OCA2: variants seen among roughly 807,000 people sequenced by gnomAD.
The protein encoded by OCA2 is OCA2 melanosomal transmembrane protein.
In OCA2, 77 loss-of-function variants were observed where a neutral mutation model predicts 100.2. The ratio of observed to expected loss-of-function variants is 0.77; its 90% CI spans 0.64 to 0.93. The LOEUF is 0.93. Ranked by LOEUF, OCA2 falls within the 40% of genes least tolerant of loss-of-function variation. OCA2 has a pLI of 0.00. For synonymous variants in OCA2, 432 were observed against 439.2 expected (o/e 0.98, Z 0.21); for missense variants, 1,062 against 1,089.1 (o/e 0.98, Z 0.35).
At chr15:27,722,780 T>TTCTCTCTCTCTC in the OCA2 span, among the ~76,000 whole-genome samples, 1,363 of 134,268 alleles carry the variant, frequency 0.01, 17 homozygotes, top group South Asian at 0.043. Context: ...TTTTCTTTCT[T>TTCTCTCTCTCTC]TCTCTCTCTC....
intron 2 of OCA2, among the ~76,000 whole-genome samples, chr15:28,074,011 C>A (rs1216060126): frequency 6.6e-6 from 1 of 151,656 alleles, no homozygotes; most frequent in Non-Finnish European, 1.5e-5. Flanking sequence ...CAGACACACA[C>A]ACACACACAC....
chr15:27,872,737 T>C (rs189127322), intron 19 of OCA2, among the ~76,000 whole-genome samples: 141 of 151,888 alleles, frequency 9.3e-4, no homozygotes, highest in African/African-American at 3.4e-3. Flanking sequence ...TTGCTCAGGC[T>C]GGAGTGCAGT....
At chr15:28,023,667 C>A (rs1302952966) in intron 5 of OCA2, among the ~76,000 whole-genome samples, 1 of 152,192 alleles carries the variant, frequency 6.6e-6, no homozygotes, top group Non-Finnish European at 1.5e-5. Flanking sequence ...CTACCACCCA[C>A]TGTGGTCTCC....
In OCA2 at chr15:27,755,437, A is replaced by G. The variant is rs1413642291; in HGVS notation, c.2468T>C (p.Val823Ala). ...GFPMMVVSCT[V>A]GMCYLLVAHV... ...AGCCACAAGGAGATAACACATCCCA[A>G]CAGTGCAGGACACAACCATCATTGG... The change falls in exon 24 of 24, where the codon GTT becomes GCT. Residue 823 changes from valine to alanine, a missense_variant. Transcript: ENST00000354638. 6.2e-7 allele frequency: 1 copy of G among 1,614,050 alleles called. No individual in the cohort carries two copies. Among genetic ancestry groups the G allele is most frequent in the Non-Finnish European group, 8.5e-7 (1 of 1,179,894 alleles).
intron 7 of OCA2, 150 bp from the exon 8 acceptor site, chr15:28,016,336 T>C (rs1459901765): frequency 1.4e-6 from 1 of 717,666 alleles, no homozygotes; most frequent in Non-Finnish European, 2.5e-6. Flanking sequence ...CTCACATCTC[T>C]GATGTTAGGA....
At chr15:27,891,946 A>C (rs774512181) in intron 19 of OCA2, among the ~76,000 whole-genome samples, 3 of 152,210 alleles carry the variant, frequency 2.0e-5, no homozygotes, top group Non-Finnish European at 4.4e-5. Flanking sequence ...GTAGACTTCA[A>C]AATAAAGAAA....
chr15:27,950,460 C>T (rs763784474), intron 18 of OCA2: 3 of 471,680 alleles, frequency 6.4e-6, no homozygotes, highest in South Asian at 1.6e-5. Context: ...TTCACAAAAT[C>T]GTTACCACTC....
chr15:27,747,429 C>T, the OCA2 span, among the ~76,000 whole-genome samples: 1 of 152,316 alleles, frequency 6.6e-6, no homozygotes, highest in Non-Finnish European at 1.5e-5. Context: ...CAGTTCTGGG[C>T]ATGTTCAGCC....
chr15:27,741,140 A>G, the OCA2 span, among the ~76,000 whole-genome samples: 3 of 152,156 alleles, frequency 2.0e-5, no homozygotes, highest in African/African-American at 7.2e-5. Flanking sequence ...ACCAAGACAA[A>G]ATGTCTCTGT....
At chr15:27,746,598 G>A in the OCA2 span, among the ~76,000 whole-genome samples, 1 of 152,192 alleles carries the variant, frequency 6.6e-6, no homozygotes, top group African/African-American at 2.4e-5. Flanking sequence ...CTAGCTGTGA[G>A]TCAACTCCTC....
At chr15:27,747,881 C>T in the OCA2 span, among the ~76,000 whole-genome samples, 1 of 152,142 alleles carries the variant, frequency 6.6e-6, no homozygotes, top group Non-Finnish European at 1.5e-5. Flanking sequence ...TACAATTATG[C>T]ATCTTGGTAA....
chr15:27,769,639 T>C (rs1223402535), intron 23 of OCA2, among the ~76,000 whole-genome samples: 1 of 149,198 alleles, frequency 6.7e-6, no homozygotes, highest in Non-Finnish European at 1.5e-5. Context: ...CTAAAACCTA[T>C]TGAAATAAAA....
At chr15:27,790,145 A>C (rs2033012551) in intron 23 of OCA2, among the ~76,000 whole-genome samples, 1 of 151,310 alleles carries the variant, frequency 6.6e-6, no homozygotes, top group South Asian at 2.1e-4. Context: ...TTCACCAAAG[A>C]ACATAAATAC....
At chr15:27,851,515 G>A (rs767430910) in intron 21 of OCA2, 40 bp from the exon 22 acceptor site, 26 of 1,496,760 alleles carry the variant, frequency 1.7e-5, no homozygotes, top group Middle Eastern at 1.7e-4. Context: ...TCCCATGGAC[G>A]CTCAGAGAAG....
intron 2 of OCA2, among the ~76,000 whole-genome samples, chr15:28,073,756 G>A (rs980609282): frequency 2.0e-4 from 30 of 152,132 alleles, no homozygotes; most frequent in Non-Finnish European, 1.8e-4. Context: ...TAAAATAAAC[G>A]TTGAATTTTA....
At position 27,957,784 on chromosome 15, in the gene OCA2, C is replaced by T; in HGVS notation, c.1637-49G>A. The stretch of plus-strand genomic sequence containing the variant: ...TTGGGTCTCCCATGACCTCAGATAT[C>T]AGCAACACCCTCCTCTGTTCCCCAC... On this transcript the variant is annotated intron_variant, in intron 15 of 23. Coordinates refer to ENST00000354638, the MANE Select transcript of OCA2 (RefSeq NM_000275.3). The surrounding 1 kb of genome is among the most constrained non-coding windows in gnomAD (Gnocchi z 4.3). 6.2e-7 allele frequency: 1 copy of T among 1,604,742 alleles called. No homozygotes were observed. The highest frequency in any genetic ancestry group is 8.5e-7 in the Non-Finnish European group (1 of 1,173,402).
chr15:27,722,780 T>TTTTCTCTCTC, the OCA2 span, among the ~76,000 whole-genome samples: 1 of 134,210 alleles, frequency 7.5e-6, no homozygotes, highest in Non-Finnish European at 1.5e-5. Flanking sequence ...TTTTCTTTCT[T>TTTTCTCTCTC]TCTCTCTCTC....
chr15:28,070,310 TG>T lies in OCA2; in HGVS notation c.227+11337del, dbSNP rs1206639739. ...GCAGCCACCCCGTCCGGGAGGGAGG[TG>T]GGGGGGGGTCAGCCCCCCGCCCGGC... On this transcript the variant is annotated intron_variant, in intron 2 of 23. Transcript: ENST00000354638. Among the ~76,000 whole-genome samples the T allele has an allele frequency of 2.7e-3, 314 of 114,446 alleles. 3 individuals are homozygous for T. Among genetic ancestry groups the T allele is most frequent in the Non-Finnish European group, 2.6e-3 (150 of 56,734 alleles). The allele number at this position is 114,446 out of a possible 152,430, so 75.1% of individuals were successfully genotyped here.
At chr15:28,067,757 A>C (rs1368180999) in intron 2 of OCA2, among the ~76,000 whole-genome samples, 1 of 152,208 alleles carries the variant, frequency 6.6e-6, no homozygotes, top group East Asian at 1.9e-4. Context: ...ATGACTGAGA[A>C]TGTGGTCAAT....
Sources: allele counts gnomAD v4.1 joint callset (sites outside exome capture counted in the v4.1 genomes callset), GRCh38; gene constraint gnomAD v4.1.1; non-coding constraint Gnocchi (gnomAD v3.1); transcripts MANE v1.5; gene names NCBI Gene and HGNC (gene_info 2026-07-23, HGNC 2026-07-21).